The following CCDC178 variants were observed in gnomAD, a reference collection of about 807,000 sequenced individuals.
CCDC178 encodes the protein coiled-coil domain-containing protein 178.
In CCDC178, 126 loss-of-function variants were observed where a neutral mutation model predicts 117.4. That is an observed-to-expected ratio of 1.07 (90% CI 0.93 to 1.24). The LOEUF (loss-of-function observed/expected upper bound fraction) is 1.24. Ranked by LOEUF, CCDC178 falls within the 50% of genes most tolerant of loss-of-function variation. The probability of loss-of-function intolerance (pLI) is 0.00; values close to 1 mark genes in which losing one functional copy is unlikely to be tolerated. For synonymous variants in CCDC178, 283 were observed against 313.4 expected, an observed-to-expected ratio of 0.90 and a Z score of 1.02; for missense variants, 1,030 against 986.9, an observed-to-expected ratio of 1.04 and a Z score of -0.59.
intron 20 of CCDC178, among the ~76,000 whole-genome samples, chr18:33,210,103 T>C (rs2059089967): frequency 6.6e-6 from 1 of 152,078 alleles, no homozygotes; most frequent in Non-Finnish European, 1.5e-5. Context: ...AAAAAGCATC[T>C]ATTATCTATC....
At chr18:33,338,855 C>T (rs2062777371) in intron 9 of CCDC178, among the ~76,000 whole-genome samples, 1 of 151,866 alleles carries the variant, frequency 6.6e-6, no homozygotes, top group Admixed American at 6.6e-5. Flanking sequence ...ATTCATGTAA[C>T]CCAACACCAC....
At chr18:33,424,521 C>A (rs146351200) in intron 2 of CCDC178, among the ~76,000 whole-genome samples, 1 of 152,152 alleles carries the variant, frequency 6.6e-6, no homozygotes, top group African/African-American at 2.4e-5. Flanking sequence ...TGGTTCTAAG[C>A]CACTAGTGTC....
chr18:33,053,824 T>C (rs2056784315), intron 21 of CCDC178, among the ~76,000 whole-genome samples: 1 of 152,224 alleles, frequency 6.6e-6, no homozygotes, highest in Non-Finnish European at 1.5e-5. Context: ...AAAATGTATC[T>C]GGGTAACACT....
intron 11 of CCDC178, among the ~76,000 whole-genome samples, chr18:33,295,253 C>T (rs908140213): frequency 2.0e-5 from 3 of 151,554 alleles, no homozygotes; most frequent in African/African-American, 7.3e-5. Context: ...TATTCATTGG[C>T]AAAAAAAGGG....
intron 20 of CCDC178, among the ~76,000 whole-genome samples, chr18:33,124,712 C>T (rs928030391): frequency 7.9e-5 from 12 of 152,238 alleles, no homozygotes; most frequent in South Asian, 4.2e-4. Context: ...ATTCATAATA[C>T]GTGCAAAAGA....
intron 3 of CCDC178, among the ~76,000 whole-genome samples, chr18:33,399,335 G>T (rs1464219003): frequency 6.6e-6 from 1 of 152,180 alleles, no homozygotes; most frequent in East Asian, 1.9e-4. Context: ...AGTGTCTGTG[G>T]TTATTTCTCA....
intron 9 of CCDC178, among the ~76,000 whole-genome samples, chr18:33,342,012 G>C (rs56278404): frequency 0.073 from 11,140 of 152,188 alleles, 1,316 homozygotes; most frequent in African/African-American, 0.25. Flanking sequence ...AGAAGGTTTA[G>C]AGATCAAAAT....
chr18:33,035,192 C>T (rs2056419861), intron 21 of CCDC178, among the ~76,000 whole-genome samples: 1 of 151,842 alleles, frequency 6.6e-6, no homozygotes, highest in African/African-American at 2.4e-5. Context: ...AGGCTTTGAC[C>T]TCTGGTTTGA....
intron 8 of CCDC178, among the ~76,000 whole-genome samples, chr18:33,348,080 G>A (rs1599200571): frequency 6.6e-6 from 1 of 151,858 alleles, no homozygotes; most frequent in Non-Finnish European, 1.5e-5. Flanking sequence ...CTCAGCATTT[G>A]TTATGTGAAA....
rs1022943551 is a variant in CCDC178 at position 33,199,270 on chromosome 18, C to T, written c.2238+12626G>A. 2.0e-5 allele frequency among the ~76,000 whole-genome samples: 3 copies of T among 152,050 alleles called. No individual in the cohort carries two copies. In the East Asian group the frequency reaches 5.8e-4, roughly 29 times the overall value. Reference sequence around the variant, plus strand: ...ATTCCTCCATGCTTATGTGAAAATACTCCTGTTATGAATTTATATAGATTA... The same window carrying T: ...ATTCCTCCATGCTTATGTGAAAATATTCCTGTTATGAATTTATATAGATTA... On this transcript the variant is annotated intron_variant, in intron 20 of 22. Transcript: ENST00000383096.
chr18:33,207,696 T>C (rs2059061375), intron 20 of CCDC178, among the ~76,000 whole-genome samples: 2 of 151,906 alleles, frequency 1.3e-5, no homozygotes, highest in East Asian at 1.9e-4. Context: ...AAAATGGTAG[T>C]TGATTGTCAA....
At position 33,402,121 on chromosome 18, in the gene CCDC178, C is replaced by A. The variant is rs998686866; in HGVS notation, c.59-4913G>T. ...AGCCTATGTCCCCCAAATTTCAATT[C>A]TGAATACTTAACTTGAAACAAAAAC... On this transcript the variant is annotated intron_variant, in intron 3 of 22. Coordinates refer to ENST00000383096, the MANE Select transcript of CCDC178 (RefSeq NM_001105528.4). Among the ~76,000 whole-genome samples, 11 of 152,048 alleles carry A rather than the reference C, an allele frequency of 7.2e-5. No homozygotes were observed. In the East Asian group the frequency reaches 2.1e-3, roughly 29 times the overall value.
intron 19 of CCDC178, among the ~76,000 whole-genome samples, chr18:33,214,395 G>A (rs546298902): frequency 1.3e-5 from 2 of 152,052 alleles, no homozygotes; most frequent in Admixed American, 1.3e-4. Flanking sequence ...GCTTTGTCAA[G>A]TTTAGAGAGA....
chr18:33,265,740 GA>G (rs1204101050), intron 14 of CCDC178, among the ~76,000 whole-genome samples: 1 of 151,920 alleles, frequency 6.6e-6, no homozygotes, highest in Non-Finnish European at 1.5e-5. Context: ...TGCAGATATA[GA>G]GGGGAATTGA....
intron 20 of CCDC178, among the ~76,000 whole-genome samples, chr18:33,206,411 G>T (rs2059045021): frequency 6.6e-6 from 1 of 151,338 alleles, no homozygotes; most frequent in Non-Finnish European, 1.5e-5. Context: ...AAACAAAAAA[G>T]AATATTTATA....
At chr18:33,100,063 G>A (rs574538658) in intron 20 of CCDC178, among the ~76,000 whole-genome samples, 1 of 152,006 alleles carries the variant, frequency 6.6e-6, no homozygotes, top group South Asian at 2.1e-4. Context: ...TACTGGTGGA[G>A]GCACCTTTAT....
intron 6 of CCDC178, among the ~76,000 whole-genome samples, chr18:33,361,845 T>G (rs1775515442): frequency 6.6e-6 from 1 of 151,632 alleles, no homozygotes; most frequent in Non-Finnish European, 1.5e-5. Flanking sequence ...CTAGTACAAC[T>G]GTTGGTGGGA....
intron 20 of CCDC178, among the ~76,000 whole-genome samples, chr18:33,164,243 G>C (rs540875600): frequency 2.0e-5 from 3 of 151,638 alleles, no homozygotes; most frequent in Non-Finnish European, 2.9e-5. Context: ...GGGATTACAG[G>C]TGCACGCCAC....
chr18:33,220,117 G>A (rs2059213121), intron 18 of CCDC178, among the ~76,000 whole-genome samples: 1 of 151,924 alleles, frequency 6.6e-6, no homozygotes, highest in Non-Finnish European at 1.5e-5. Context: ...TTAGATGTCA[G>A]GTAGGAACAA....
Sources: gnomAD v4.1 joint callset for allele counts (sites outside exome capture counted in the v4.1 genomes callset) on GRCh38, gnomAD v4.1.1 for gene constraint, MANE v1.5 for transcripts, NCBI Gene and HGNC (gene_info 2026-07-23, HGNC 2026-07-21) for gene names.